Variants in INTS1 observed in about 807,000 individuals in gnomAD.
INTS1 encodes the protein integrator complex subunit 1.
Under a neutral mutation model 241.6 loss-of-function variants are expected in INTS1, and 137 were observed. That is an observed-to-expected ratio of 0.57 (90% CI 0.49 to 0.65). The LOEUF (loss-of-function observed/expected upper bound fraction) is 0.65, where lower values mean the gene tolerates loss of function less well. INTS1 is among the 30% of genes least tolerant of loss of function. The pLI is 0.00. For missense variants in INTS1, 3,073 were observed against 3,032.2 expected, an observed-to-expected ratio of 1.01 and a Z score of -0.32; for synonymous variants, 1,692 against 1,337.8, an observed-to-expected ratio of 1.26 and a Z score of -5.78.
chr7:1,474,347 T>C lies in INTS1; in HGVS notation c.5650A>G (p.Ile1884Val). The C allele has an allele frequency of 2.5e-6, 4 of 1,598,956 alleles. No homozygotes were observed. Among genetic ancestry groups the C allele is most frequent in the Non-Finnish European group, 3.4e-6 (4 of 1,174,274 alleles). ...PLLLLRHLPM[I>V]AALLHGRTHL... ...GTGCGGCCGTGCAGGAGCGCCGCGA[T>C]CATGGGCAGGTGCCTGCGGGCGCGG... Residue 1884 changes from isoleucine (I) to valine (V), a missense_variant, in exon 41 of 48, where the codon ATC becomes GTC. Ile to Val is a conservative substitution (Grantham distance 29). Transcript: ENST00000404767.
In INTS1 at chr7:1,497,583, G is replaced by A. The variant is rs1782924388; in HGVS notation, c.1426-269C>T. 6.6e-6 allele frequency among the ~76,000 whole-genome samples: 1 copy of A among 152,150 alleles called. No individual in the cohort carries two copies. The highest frequency in any genetic ancestry group is 1.5e-5 in the Non-Finnish European group (1 of 68,024). On this transcript the variant is annotated intron_variant, in intron 10 of 47. Transcript: ENST00000404767. The surrounding 1 kb of genome is among the most constrained non-coding windows in gnomAD (Gnocchi z 5.3). The stretch of plus-strand genomic sequence containing the variant: ...TTAATTAACGGAAGCTGGGGGTGCG[G>A]GACACCAGGCGGCAAAGCCATAGAA...
At chr7:1,479,713 G>A (rs940045182) in intron 30 of INTS1, 29 bp from the exon 31 acceptor site, 5 of 1,448,864 alleles carry the variant, frequency 3.5e-6, no homozygotes, top group African/African-American at 2.9e-5. Flanking sequence ...GTGTCAGGAG[G>A]AAGCGGAGGA....
rs762545494 is a variant in INTS1, at chr7:1,486,792, C to A, written c.2827-18G>T. The A allele has an allele frequency of 6.8e-6, 11 of 1,610,438 alleles. No homozygotes were observed. Among genetic ancestry groups the A allele is most frequent in the African/African-American group, 1.3e-5 (1 of 74,822 alleles). On this transcript the variant is annotated intron_variant, in intron 21 of 47. Transcript: ENST00000404767. ...TGTTGCCTCTGCAGGGAGGAAGGGG[C>A]TCTCAGGGGTGCAGGTGACAGGCCA...
In INTS1 at chr7:1,482,562, G is replaced by C; in HGVS notation, c.3687C>G (p.Leu1229=). Residue 1229 remains leucine (L), a synonymous_variant, in exon 27 of 48, where the codon CTC becomes CTG. Transcript: ENST00000404767. ...LKLRMIRSEV[L]RLVDAALQDL... is the part of the protein sequence containing the mutation. ...GGACCGTACCGGCGTCCACCAGGCG[G>C]AGCACCTCAGAACGGATCATGCGCA... The C allele has an allele frequency of 6.2e-7, 1 of 1,610,054 alleles. No homozygotes were observed. The highest frequency in any genetic ancestry group is 1.1e-5 in the South Asian group (1 of 90,870).
Position 1,484,180 on chromosome 7 carries a change from G to A in INTS1, c.3262-10C>T. 6.2e-7 allele frequency: 1 copy of A among 1,600,198 alleles called. No homozygotes were observed. On this transcript the variant is annotated splice_polypyrimidine_tract_variant and intron_variant, in intron 24 of 47. Coordinates refer to ENST00000404767, the MANE Select transcript of INTS1 (RefSeq NM_001080453.3). ...CCAGCCGGGCCACGTCCTGGTGTGT[G>A]GACAGGGGGGCGTCAGAGGCTCCGA...
chr7:1,483,079 A>C (rs1443384674), intron 26 of INTS1: 21 of 241,860 alleles, frequency 8.7e-5, no homozygotes, highest in Non-Finnish European at 1.7e-4. Context: ...ACACAGGGCC[A>C]GCTTCTCCGG....
chr7:1,496,113 G>A (rs374950699), intron 12 of INTS1, 43 bp downstream of exon 12: 10 of 1,524,868 alleles, frequency 6.6e-6, no homozygotes, highest in South Asian at 3.4e-5. Context: ...GCCTGGACCC[G>A]AGACCCCCAC....
rs373727561 is a variant in INTS1, at chr7:1,500,002, C to T, written c.566G>A (p.Arg189Gln). 26 of 1,613,496 alleles carry T rather than the reference C, an allele frequency of 1.6e-5. No individual in the cohort carries two copies. The highest frequency in any genetic ancestry group is 1.7e-4 in the Middle Eastern group (1 of 6,058). ...GVIEALCSLLRRDASINFKAK... is the reference protein window; with the variant it reads ...GVIEALCSLLQRDASINFKAK... ...CTTGAAGTTGATGGAGGCGTCCCGC[C>T]GCAGGAGGCTACACAGAGCCTGCCA... The change falls in exon 5 of 48, where the codon CGG becomes CAG. Residue 189 changes from arginine (R) to glutamine (Q), a missense_variant. Physicochemically the swap from Arg to Gln is conservative, Grantham distance 43. Transcript: ENST00000404767.
At chr7:1,479,742 C>G (rs766007837) in intron 30 of INTS1, 58 bp from the exon 31 acceptor site, 820 of 1,428,860 alleles carry the variant, frequency 5.7e-4, no homozygotes, top group Non-Finnish European at 7.2e-4. Flanking sequence ...AGGAGCGCAG[C>G]GGAGAGGCTA....
intron 40 of INTS1, 97 bp downstream of exon 40, chr7:1,474,608 T>A (rs1409271573): frequency 6.3e-6 from 9 of 1,433,106 alleles, no homozygotes; most frequent in Non-Finnish European, 7.4e-6. Context: ...TTTTTTTTGT[T>A]GTTTTTGGAG....
intron 32 of INTS1, 40 bp from the exon 33 acceptor site, chr7:1,478,546 T>A (rs1467452384): frequency 6.3e-7 from 1 of 1,596,258 alleles, no homozygotes; most frequent in Non-Finnish European, 8.5e-7. Flanking sequence ...GCTCCAGCCC[T>A]CACCCCATCG....
In INTS1 at chr7:1,493,293, T is replaced by G. The variant is rs1782674066; in HGVS notation, c.2069-187A>C. Among the ~76,000 whole-genome samples the G allele has an allele frequency of 6.6e-6, 1 of 151,714 alleles. No homozygotes were observed. Among genetic ancestry groups the G allele is most frequent in the Non-Finnish European group, 1.5e-5 (1 of 67,914 alleles). ...CACTGGGAAACAGGGCACTTTGCTCTCGGGGACACCTGGGCTGGGTCTAGA... is the reference window on the plus strand; with the variant it reads ...CACTGGGAAACAGGGCACTTTGCTCGCGGGGACACCTGGGCTGGGTCTAGA... On this transcript the variant is annotated intron_variant, in intron 15 of 47. Coordinates refer to ENST00000404767, the MANE Select transcript of INTS1 (RefSeq NM_001080453.3). The surrounding 1 kb of genome is among the most constrained non-coding windows in gnomAD (Gnocchi z 5.3).
rs1781715861 is a variant in INTS1, at chr7:1,476,332, G to A, written c.5275C>T (p.Gln1759Ter). 6.3e-7 allele frequency: 1 copy of A among 1,585,248 alleles called. No individual in the cohort carries two copies. The highest frequency in any genetic ancestry group is 1.2e-5 in the South Asian group (1 of 86,886). Residue 1759 changes from glutamine (Q) to a stop codon, truncating the protein, a stop_gained, in exon 38 of 48, where the codon CAG becomes TAG. Transcript: ENST00000404767. LOFTEE classifies it high-confidence loss of function. ...DGDTAACSLI[Q>*]ARLPLLLSCC... is the part of the protein sequence containing the mutation. ...CTGAGCAGCAGGGGCAGCCGGGCCTGGATGAGGCTGCAGGCGGCTGTGTCC... is the reference window on the plus strand; with the variant it reads ...CTGAGCAGCAGGGGCAGCCGGGCCTAGATGAGGCTGCAGGCGGCTGTGTCC...
Position 1,485,078 on chromosome 7 carries a change from G to A in INTS1, c.3261+20C>T, listed in dbSNP as rs758100962. The stretch of plus-strand genomic sequence containing the variant: ...GTCCCCTCCCCAGGGCCACACTGCT[G>A]GCTGACCCTGCTGCCTCACCAGGGC... On this transcript the variant is annotated intron_variant, in intron 24 of 47. Coordinates refer to ENST00000404767, the MANE Select transcript of INTS1 (RefSeq NM_001080453.3). The A allele has an allele frequency of 5.1e-6, 8 of 1,561,024 alleles. No individual in the cohort carries two copies. The highest frequency in any genetic ancestry group is 7.0e-6 in the Non-Finnish European group (8 of 1,149,588).
Position 1,493,504 on chromosome 7 carries a change from A to AATG in INTS1, c.2068+249_2068+250insCAT, listed in dbSNP as rs1330418838. Among the ~76,000 whole-genome samples, 2 of 152,310 alleles carry AATG rather than the reference A, an allele frequency of 1.3e-5. No individual in the cohort carries two copies. Among genetic ancestry groups the AATG allele is most frequent in the African/African-American group, 4.8e-5 (2 of 41,562 alleles). ...TGGCCGTGGCCAAATCACACCGAGA[A>AATG]TGCCAATTCCAAAAAATGTGCAAAT... On this transcript the variant is annotated intron_variant, in intron 15 of 47. Transcript: ENST00000404767. This position sits in a 1 kb window ranked among gnomAD's most constrained non-coding sequence, Gnocchi z 5.3.
At chr7:1,478,597 C>T (rs377691147) in intron 32 of INTS1, 91 bp from the exon 33 acceptor site, 4 of 1,518,526 alleles carry the variant, frequency 2.6e-6, no homozygotes, top group Non-Finnish European at 3.6e-6. Flanking sequence ...GAAGGGCTCC[C>T]CTGGGCCCAC....
intron 20 of INTS1, 23 bp from the exon 21 acceptor site, chr7:1,487,124 C>A: frequency 6.5e-7 from 1 of 1,537,532 alleles, no homozygotes; most frequent in Non-Finnish European, 8.7e-7. Flanking sequence ...CAGTGGCGCC[C>A]GCTCAGCACC....
chr7:1,495,800 G>A (rs561124286), intron 12 of INTS1, among the ~76,000 whole-genome samples: 1 of 152,240 alleles, frequency 6.6e-6, no homozygotes, highest in East Asian at 1.9e-4. Context: ...GGGCTTCTGC[G>A]GCCCAGCCTT....
chr7:1,487,894 A>G lies in INTS1; in HGVS notation c.2382T>C (p.Arg794=), dbSNP rs762319534. The G allele has an allele frequency of 6.2e-7, 1 of 1,613,490 alleles. No homozygotes were observed. The highest frequency in any genetic ancestry group is 8.5e-7 in the Non-Finnish European group (1 of 1,179,842). The change falls in exon 19 of 48, where the codon CGT becomes CGC. Residue 794 remains arginine (R), a synonymous_variant. Transcript: ENST00000404767. ...TCTCCCGCTGGGCGGTCTGCAGCTC[A>G]CGGTTCAGCATCTCCGTCCGGGTCT... is the stretch of plus-strand genomic sequence containing the variant. ...DEETRTEMLN[R]ELQTAQREKQ... is the part of the protein sequence containing the mutation.
Sources: gnomAD v4.1 joint callset for allele counts (sites outside exome capture counted in the v4.1 genomes callset) on GRCh38, gnomAD v4.1.1 for gene constraint, Gnocchi (gnomAD v3.1) non-coding constraint, MANE v1.5 for transcripts, NCBI Gene and HGNC (gene_info 2026-07-23, HGNC 2026-07-21) for gene names.